DLGAP1: variants seen among roughly 807,000 people sequenced by gnomAD.
DLGAP1 encodes the protein DLG associated protein 1.
DLGAP1 carries 11 observed loss-of-function variants against 90.8 expected under a neutral mutation model. That is an observed-to-expected ratio of 0.12 (90% CI 0.08 to 0.20). DLGAP1 has a LOEUF of 0.20. Ranked by LOEUF, DLGAP1 falls within the 10% of genes least tolerant of loss-of-function variation. The pLI is 1.00. For missense variants in DLGAP1, 1,050 were observed against 1,333.8 expected (o/e 0.79, Z 3.31); for synonymous variants, 558 against 540.7 (o/e 1.03, Z -0.44).
chr18:3,574,436 T>C (rs1002522649), intron 8 of DLGAP1, among the ~76,000 whole-genome samples: 1 of 152,254 alleles, frequency 6.6e-6, no homozygotes, highest in Non-Finnish European at 1.5e-5. Context: ...TTCAAAATAA[T>C]CTTGAATTCC....
At chr18:3,551,088 A>T (rs2053379125) in intron 9 of DLGAP1, among the ~76,000 whole-genome samples, 1 of 151,442 alleles carries the variant, frequency 6.6e-6, no homozygotes, top group Non-Finnish European at 1.5e-5. Context: ...GGAGAAAATA[A>T]ATTTCTGTTG....
intron 2 of DLGAP1, among the ~76,000 whole-genome samples, chr18:4,116,095 T>C (rs1283665873): frequency 2.6e-5 from 4 of 152,198 alleles, no homozygotes; most frequent in Non-Finnish European, 5.9e-5. Context: ...ACAGCATTTG[T>C]GTATCTCAGA....
chr18:4,448,739 G>A (rs919583053), intron 1 of DLGAP1, among the ~76,000 whole-genome samples: 1 of 152,048 alleles, frequency 6.6e-6, no homozygotes, highest in Non-Finnish European at 1.5e-5. Context: ...TACATGTCTG[G>A]CCAGAAACAA....
chr18:3,764,199 G>A lies in DLGAP1; in HGVS notation c.1173-21687C>T, dbSNP rs1358338276. Among the ~76,000 whole-genome samples, 3 of 152,236 alleles carry A rather than the reference G, an allele frequency of 2.0e-5. No homozygotes were observed. In the East Asian group the frequency reaches 5.8e-4, roughly 29 times the overall value. ...TATTTTCAATGAGGAAGCTGAAGCC[G>A]ACAAGTTTGTAAACTCAAAATTGAA... is the stretch of plus-strand genomic sequence containing the variant. On this transcript the variant is annotated intron_variant, in intron 5 of 12. Transcript: ENST00000315677.
chr18:3,936,935 A>C (rs1353056620), intron 3 of DLGAP1, among the ~76,000 whole-genome samples: 1 of 152,204 alleles, frequency 6.6e-6, no homozygotes, highest in Non-Finnish European at 1.5e-5. Flanking sequence ...GGCATTGGAA[A>C]CTAGTCAACT....
At chr18:4,390,871 C>T (rs1478192422) in intron 1 of DLGAP1, among the ~76,000 whole-genome samples, 2 of 152,164 alleles carry the variant, frequency 1.3e-5, no homozygotes, top group African/African-American at 2.4e-5. Context: ...TTTCACGGTT[C>T]CTCCATGTTC....
intron 2 of DLGAP1, among the ~76,000 whole-genome samples, chr18:4,137,932 G>T (rs571081378): frequency 6.6e-6 from 1 of 152,220 alleles, no homozygotes; most frequent in Admixed American, 6.5e-5. Context: ...TTGGCATATA[G>T]AAATGCTACG....
chr18:3,741,143 AT>A, intron 6 of DLGAP1, among the ~76,000 whole-genome samples: 1 of 62,324 alleles, frequency 1.6e-5, no homozygotes, highest in African/African-American at 5.6e-5. Flanking sequence ...CCACATCACC[AT>A]CACCATCACC....
intron 1 of DLGAP1, among the ~76,000 whole-genome samples, chr18:4,237,174 C>T (rs2078434046): frequency 6.6e-6 from 1 of 152,180 alleles, no homozygotes; most frequent in South Asian, 2.1e-4. Flanking sequence ...TTAATTACCA[C>T]GCTATCTGAA....
intron 1 of DLGAP1, among the ~76,000 whole-genome samples, chr18:4,356,818 C>A (rs1218353663): frequency 6.6e-6 from 1 of 152,146 alleles, no homozygotes; most frequent in Admixed American, 6.5e-5. Context: ...ACTTTTCCGA[C>A]CTCTTCCCTT....
intron 5 of DLGAP1, among the ~76,000 whole-genome samples, chr18:3,795,452 A>T (rs1334433011): frequency 6.6e-6 from 1 of 151,654 alleles, no homozygotes; most frequent in Non-Finnish European, 1.5e-5. Context: ...AGTAGCTGGG[A>T]CTACAGGCGC....
At chr18:4,144,611 T>TG (rs1345459784) in intron 2 of DLGAP1, among the ~76,000 whole-genome samples, 1 of 152,208 alleles carries the variant, frequency 6.6e-6, no homozygotes, top group Non-Finnish European at 1.5e-5. Flanking sequence ...TGATTTTTTT[T>TG]TGTGCAGATA....
chr18:3,811,413 G>A (rs1168352705), intron 5 of DLGAP1, among the ~76,000 whole-genome samples: 2 of 152,084 alleles, frequency 1.3e-5, no homozygotes, highest in African/African-American at 2.4e-5. Context: ...CACACTATCC[G>A]TCTTACATAA....
rs1214546884 is a variant in DLGAP1 at position 3,737,005 on chromosome 18, A to C, written c.1350+5330T>G. ...ATACTACAAACACCTCTACGCAAAT[A>C]AACTAGAAAATCTAGAAGAAATGGA... On this transcript the variant is annotated intron_variant, in intron 6 of 12. Transcript: ENST00000315677. Among the ~76,000 whole-genome samples the C allele has an allele frequency of 1.7e-3, 255 of 149,006 alleles. 3 individuals carry two copies. The highest frequency in any genetic ancestry group is 1.1e-3 in the Admixed American group (16 of 14,800).
intron 5 of DLGAP1, among the ~76,000 whole-genome samples, chr18:3,766,305 A>G (rs2064240724): frequency 6.6e-6 from 1 of 152,154 alleles, no homozygotes; most frequent in Non-Finnish European, 1.5e-5. Flanking sequence ...ATGTTTATGC[A>G]GCAAACAACA....
At chr18:4,198,241 A>C (rs1413572338) in intron 1 of DLGAP1, among the ~76,000 whole-genome samples, 3 of 152,080 alleles carry the variant, frequency 2.0e-5, no homozygotes, top group Admixed American at 2.0e-4. Flanking sequence ...TAAATAAATA[A>C]ATGAAATAAA....
intron 3 of DLGAP1, among the ~76,000 whole-genome samples, chr18:3,907,256 T>C (rs1464541168): frequency 6.6e-6 from 1 of 152,162 alleles, no homozygotes; most frequent in Non-Finnish European, 1.5e-5. Flanking sequence ...TTCTACTCTA[T>C]TTGATCTTTC....
At chr18:3,538,915 C>T (rs577216081) in intron 9 of DLGAP1, among the ~76,000 whole-genome samples, 63 of 152,338 alleles carry the variant, frequency 4.1e-4, no homozygotes, top group African/African-American at 1.4e-3. Context: ...AAGGATCCAC[C>T]TTCTTAGAAA....
At chr18:3,963,437 G>A (rs1328651945) in intron 3 of DLGAP1, among the ~76,000 whole-genome samples, 1 of 152,162 alleles carries the variant, frequency 6.6e-6, no homozygotes, top group African/African-American at 2.4e-5. Context: ...AGGCTACCCT[G>A]CTCTTCCAAG....
Sources: allele counts gnomAD v4.1 joint callset (sites outside exome capture counted in the v4.1 genomes callset), GRCh38; gene constraint gnomAD v4.1.1; transcripts MANE v1.5; gene names NCBI Gene and HGNC (gene_info 2026-07-23, HGNC 2026-07-21).